The following NCKAP5 variants were observed in gnomAD, a reference collection of about 807,000 sequenced individuals.
NCKAP5 encodes nck-associated protein 5.
NCKAP5 carries 92 observed loss-of-function variants against 167.0 expected under a neutral mutation model. The observed-to-expected ratio is 0.55, with a 90% confidence interval of 0.47 to 0.66. The LOEUF (loss-of-function observed/expected upper bound fraction) is 0.66, where lower values mean the gene tolerates loss of function less well. NCKAP5 is among the 30% of genes least tolerant of loss of function. The pLI, the probability that NCKAP5 is intolerant of heterozygous loss-of-function variation, is 0.00. For synonymous variants in NCKAP5, 891 were observed against 877.4 expected, an observed-to-expected ratio of 1.02 and a Z score of -0.27; for missense variants, 2,378 against 2,315.0, an observed-to-expected ratio of 1.03 and a Z score of -0.56.
At chr2:133,100,630 T>C (rs1428949941) in intron 6 of NCKAP5, among the ~76,000 whole-genome samples, 1 of 152,196 alleles carries the variant, frequency 6.6e-6, no homozygotes, top group Non-Finnish European at 1.5e-5. Context: ...TTTTTGGTTA[T>C]AACAAACTTG....
chr2:132,918,240 A>G (rs1054633432), intron 8 of NCKAP5, among the ~76,000 whole-genome samples: 4 of 152,154 alleles, frequency 2.6e-5, no homozygotes, highest in African/African-American at 9.7e-5. Flanking sequence ...TTTCTTCCTG[A>G]TGTCTCAGCC....
At chr2:133,362,134 C>G (rs934462981) in intron 3 of NCKAP5, among the ~76,000 whole-genome samples, 5 of 152,160 alleles carry the variant, frequency 3.3e-5, no homozygotes. Flanking sequence ...ATGGGATTGT[C>G]TTATTGCTTG....
the NCKAP5 span, among the ~76,000 whole-genome samples, chr2:133,645,636 C>T: frequency 9.2e-5 from 14 of 152,190 alleles, no homozygotes; most frequent in South Asian, 8.3e-4. Context: ...GTGATAAATA[C>T]GCCTATCTTA....
chr2:133,499,635 C>T (rs1682308689), intron 3 of NCKAP5, among the ~76,000 whole-genome samples: 2 of 152,234 alleles, frequency 1.3e-5, no homozygotes, highest in South Asian at 4.1e-4. Context: ...TCTTGGCTCA[C>T]TGCAACCTCA....
At chr2:133,173,400 C>G (rs555909231) in intron 5 of NCKAP5, among the ~76,000 whole-genome samples, 4 of 152,292 alleles carry the variant, frequency 2.6e-5, no homozygotes, top group Non-Finnish European at 5.9e-5. Flanking sequence ...GAAGCCCTGA[C>G]TTGTGAACTT....
At chr2:133,106,292 C>CA (rs10612612) in intron 6 of NCKAP5, among the ~76,000 whole-genome samples, 7,684 of 76,138 alleles carry the variant, frequency 0.1, 580 homozygotes, top group African/African-American at 0.24. Flanking sequence ...GACTCCGTCT[C>CA]AAAAAAAAAA....
chr2:133,467,296 A>G (rs1302589583), intron 3 of NCKAP5, among the ~76,000 whole-genome samples: 1 of 151,556 alleles, frequency 6.6e-6, no homozygotes, highest in Non-Finnish European at 1.5e-5. Context: ...GGCTCTGTTT[A>G]TATGCTGGAT....
At chr2:133,157,803 T>C (rs1200390516) in intron 5 of NCKAP5, among the ~76,000 whole-genome samples, 2 of 152,188 alleles carry the variant, frequency 1.3e-5, no homozygotes, top group Admixed American at 6.5e-5. Context: ...AAATGTGATC[T>C]ACTAATGGGA....
At chr2:133,092,778 T>C (rs1401552825) in intron 6 of NCKAP5, among the ~76,000 whole-genome samples, 1 of 152,232 alleles carries the variant, frequency 6.6e-6, no homozygotes, top group African/African-American at 2.4e-5. Flanking sequence ...GTTTCTTTTA[T>C]AATGAGTCAC....
At chr2:133,363,123 T>A (rs1685232770) in intron 3 of NCKAP5, among the ~76,000 whole-genome samples, 1 of 152,100 alleles carries the variant, frequency 6.6e-6, no homozygotes, top group Non-Finnish European at 1.5e-5. Context: ...GACTAGATGA[T>A]CATTTTGTGA....
chr2:132,991,685 T>A (rs1201024947), intron 7 of NCKAP5, among the ~76,000 whole-genome samples: 1 of 152,098 alleles, frequency 6.6e-6, no homozygotes, highest in African/African-American at 2.4e-5. Flanking sequence ...CAGTGGAAAA[T>A]GAAAGTAACT....
intron 19 of NCKAP5, among the ~76,000 whole-genome samples, chr2:132,700,947 A>C (rs1687826441): frequency 6.7e-6 from 1 of 149,984 alleles, no homozygotes; most frequent in South Asian, 2.1e-4. Context: ...GGGGGCTTTT[A>C]AGCAATACTA....
chr2:133,563,564 TAAAAAAAAAAAAAA>T (rs57901498), intron 1 of NCKAP5, among the ~76,000 whole-genome samples: 5 of 53,014 alleles, frequency 9.4e-5, no homozygotes, highest in East Asian at 7.7e-4. Flanking sequence ...AAAGACTCCA[TAAAAAAAAAAAAAA>T]AAAAAAAAAA....
intron 3 of NCKAP5, among the ~76,000 whole-genome samples, chr2:133,429,292 A>C (rs1354431610): frequency 8.0e-6 from 1 of 125,590 alleles, no homozygotes. Context: ...ATTTGGAGCT[A>C]CTTTTTTTTA....
chr2:133,550,337 A>G (rs1350014552), intron 2 of NCKAP5, among the ~76,000 whole-genome samples: 2 of 150,336 alleles, frequency 1.3e-5, no homozygotes, highest in African/African-American at 2.4e-5. Flanking sequence ...ACATTGATGC[A>G]AAAATCCTCA....
intron 2 of NCKAP5, among the ~76,000 whole-genome samples, chr2:133,549,768 A>C (rs1424300564): frequency 5.5e-4 from 83 of 150,154 alleles, no homozygotes; most frequent in African/African-American, 2.0e-3. Context: ...AAGGAAATAG[A>C]GACACAAAAA....
At chr2:133,359,944 A>G (rs762727022) in intron 3 of NCKAP5, among the ~76,000 whole-genome samples, 1 of 152,142 alleles carries the variant, frequency 6.6e-6, no homozygotes, top group Non-Finnish European at 1.5e-5. Flanking sequence ...GGCGAAATTG[A>G]TTATTTGGCA....
At chr2:132,940,701 T>C (rs903489820) in intron 8 of NCKAP5, among the ~76,000 whole-genome samples, 2 of 151,980 alleles carry the variant, frequency 1.3e-5, no homozygotes, top group African/African-American at 2.4e-5. Flanking sequence ...TTTTAAAAAG[T>C]AGTAAAAACT....
At chr2:133,318,832 C>T (rs983880643) in intron 3 of NCKAP5, among the ~76,000 whole-genome samples, 2 of 152,120 alleles carry the variant, frequency 1.3e-5, no homozygotes, top group Admixed American at 6.5e-5. Flanking sequence ...CCTGGGATGA[C>T]CAAATGGTAC....
Sources: gnomAD v4.1 joint callset for allele counts (sites outside exome capture counted in the v4.1 genomes callset) on GRCh38, gnomAD v4.1.1 for gene constraint, MANE v1.5 for transcripts, NCBI Gene and HGNC (gene_info 2026-07-23, HGNC 2026-07-21) for gene names.